PRKCB: variants seen among roughly 807,000 people sequenced by gnomAD.
PRKCB encodes protein kinase C beta type.
In PRKCB, 13 loss-of-function variants were observed where a neutral mutation model predicts 81.5. That is an observed-to-expected ratio of 0.16 (90% confidence interval 0.10 to 0.25). The LOEUF is 0.25. PRKCB is among the 10% of genes least tolerant of loss of function. The pLI is 1.00. For synonymous variants in PRKCB, 335 were observed against 321.4 expected (o/e 1.04, Z -0.45); for missense variants, 509 against 875.7 (o/e 0.58, Z 5.29).
In PRKCB at chr16:23,988,562, C is replaced by T; in HGVS notation, c.260C>T (p.Pro87Leu). The change falls in exon 3 of 17, where the codon CCT becomes CTT. Residue 87 changes from proline to leucine, a missense_variant. Physicochemically the swap from Pro to Leu is moderately conservative, Grantham distance 98. This residue lies in a region of PRKCB where 184 missense variants were observed against 362.9 expected (regional missense o/e 0.51). Transcript: ENST00000643927. The part of the protein sequence containing the change: ...RCHEFVTFSC[P>L]GADKGPASDD... The stretch of plus-strand genomic sequence containing the variant: ...CATGAATTTGTCACATTCTCCTGCC[C>T]TGGCGCTGACAAGGGTCCAGCCTCC... The T allele has an allele frequency of 6.2e-7, 1 of 1,614,078 alleles. No individual in the cohort carries two copies. Among genetic ancestry groups the T allele is most frequent in the South Asian group, 1.1e-5 (1 of 91,066 alleles).
Position 24,111,901 on chromosome 16 carries a change from G to A in PRKCB, c.822-1072G>A, listed in dbSNP as rs74606419. On this transcript the variant is annotated intron_variant, in intron 7 of 16. Transcript: ENST00000643927. ...GTGCTGTGCTTATCATTTTACATGC[G>A]TCATTACATTTCAATTTCACAAGAA... Among the ~76,000 whole-genome samples the A allele has an allele frequency of 5.0e-4, 76 of 152,180 alleles. No homozygotes were observed. The East Asian group carries it at 0.012, about 25-fold the overall frequency.
Position 24,216,655 on chromosome 16 carries a change from C to A in PRKCB, c.*1839C>A, listed in dbSNP as rs1338668300. ...CCTGCAGTTCATCCTTCTCTGTCCT[C>A]TTCTTGCTTCAGGCTTGGGGACCGT... is the stretch of plus-strand genomic sequence containing the variant. On this transcript the variant is annotated 3_prime_UTR_variant, in exon 17 of 17. Transcript: ENST00000643927. The A allele has an allele frequency of 3.0e-6, 3 of 985,504 alleles. No individual in the cohort carries two copies. Among genetic ancestry groups the A allele is most frequent in the Non-Finnish European group, 3.6e-6 (3 of 829,972 alleles). 61.0% of individuals were successfully genotyped at this position (985,504 alleles called of 1,614,324 possible). A position where few individuals can be genotyped will look rare whatever the true frequency, so the allele number is the denominator to read the frequency against.
At chr16:23,980,387 C>A (rs1392865867) in intron 2 of PRKCB, among the ~76,000 whole-genome samples, 2 of 152,152 alleles carry the variant, frequency 1.3e-5, no homozygotes, top group Non-Finnish European at 1.5e-5. Flanking sequence ...GTTCTCCCAG[C>A]AGCTGTAGAG....
intron 2 of PRKCB, among the ~76,000 whole-genome samples, chr16:23,873,490 T>C (rs575845827): frequency 1.3e-5 from 2 of 152,358 alleles, no homozygotes; most frequent in South Asian, 4.1e-4. Flanking sequence ...GGTTCTTCTT[T>C]GGTTCCTGCA....
At chr16:24,012,134 A>G (rs1356090301) in intron 3 of PRKCB, among the ~76,000 whole-genome samples, 2 of 152,146 alleles carry the variant, frequency 1.3e-5, no homozygotes, top group Non-Finnish European at 2.9e-5. Context: ...CTGTGTTCCC[A>G]GACATTCCTT....
intron 8 of PRKCB, among the ~76,000 whole-genome samples, chr16:24,120,763 T>A (rs1411827601): frequency 6.6e-6 from 1 of 152,044 alleles, no homozygotes; most frequent in African/African-American, 2.4e-5. Flanking sequence ...AGACAGGGTC[T>A]CCCTTTATCA....
intron 3 of PRKCB, among the ~76,000 whole-genome samples, chr16:24,028,370 T>C (rs938402135): frequency 6.6e-6 from 1 of 152,258 alleles, no homozygotes; most frequent in African/African-American, 2.4e-5. Flanking sequence ...ATTACAGGCA[T>C]GAGCCACTGC....
chr16:23,879,774 G>A (rs989795993), intron 2 of PRKCB, among the ~76,000 whole-genome samples: 1 of 152,160 alleles, frequency 6.6e-6, no homozygotes, highest in Non-Finnish European at 1.5e-5. Flanking sequence ...GATTATAGGC[G>A]TGAGCCACTG....
chr16:24,060,793 C>A (rs71379840), intron 5 of PRKCB, among the ~76,000 whole-genome samples: 1 of 152,222 alleles, frequency 6.6e-6, no homozygotes. Flanking sequence ...CAGGTGACAC[C>A]TCTGTTGCAG....
intron 15 of PRKCB, 132 bp downstream of exon 15, chr16:24,185,699 A>C: frequency 1.4e-6 from 1 of 723,840 alleles, no homozygotes; most frequent in Middle Eastern, 2.7e-4. Flanking sequence ...CCAATATGAG[A>C]ACCCTGATGT....
chr16:23,870,783 T>G (rs1962889938), intron 2 of PRKCB, among the ~76,000 whole-genome samples: 1 of 152,162 alleles, frequency 6.6e-6, no homozygotes, highest in Admixed American at 6.5e-5. Flanking sequence ...TGAATTTGCT[T>G]CTTCTTTATA....
intron 5 of PRKCB, among the ~76,000 whole-genome samples, chr16:24,038,864 G>A (rs1965660286): frequency 6.6e-6 from 1 of 152,180 alleles, no homozygotes; most frequent in East Asian, 1.9e-4. Flanking sequence ...CCCATCTTGA[G>A]GCAAGGGGGC....
intron 16 of PRKCB, among the ~76,000 whole-genome samples, chr16:24,200,580 G>A (rs1401468372): frequency 1.3e-5 from 2 of 152,212 alleles, no homozygotes; most frequent in African/African-American, 4.8e-5. Context: ...TGGAGGCTGG[G>A]AAGTCCAAGG....
At chr16:24,095,357 G>T (rs1966426849) in intron 7 of PRKCB, among the ~76,000 whole-genome samples, 1 of 152,126 alleles carries the variant, frequency 6.6e-6, no homozygotes, top group Non-Finnish European at 1.5e-5. Context: ...GCTGCTGACT[G>T]GTTGGGGATG....
chr16:23,967,930 T>C (rs1049564200), intron 2 of PRKCB, among the ~76,000 whole-genome samples: 1 of 152,202 alleles, frequency 6.6e-6, no homozygotes, highest in Non-Finnish European at 1.5e-5. Flanking sequence ...GTTTGGATTA[T>C]AGGCGTGAGC....
At chr16:23,965,409 G>A (rs113423184) in intron 2 of PRKCB, among the ~76,000 whole-genome samples, 166 of 152,240 alleles carry the variant, frequency 1.1e-3, no homozygotes, top group African/African-American at 3.2e-3. Context: ...GGGCACCTCC[G>A]TTGATTTCTT....
intron 15 of PRKCB, among the ~76,000 whole-genome samples, chr16:24,187,517 G>A (rs554517271): frequency 1.3e-5 from 2 of 152,144 alleles, no homozygotes; most frequent in Non-Finnish European, 2.9e-5. Flanking sequence ...TAGTGCTGAC[G>A]CTATTGTGTT....
At chr16:23,886,144 C>T (rs76449270) in intron 2 of PRKCB, among the ~76,000 whole-genome samples, 2,288 of 152,240 alleles carry the variant, frequency 0.015, 57 homozygotes, top group African/African-American at 0.051. Context: ...CAAATCTAAG[C>T]ATCACAGCAA....
At chr16:23,998,191 T>C (rs1000372359) in intron 3 of PRKCB, among the ~76,000 whole-genome samples, 1 of 152,196 alleles carries the variant, frequency 6.6e-6, no homozygotes, top group Non-Finnish European at 1.5e-5. Flanking sequence ...TCTCAGTCCT[T>C]CAGACGTGGA....
Sources: gnomAD v4.1 joint callset for allele counts (sites outside exome capture counted in the v4.1 genomes callset) on GRCh38, gnomAD v4.1.1 for gene constraint, gnomAD v4.1.1 regional missense constraint, MANE v1.5 for transcripts, NCBI Gene and HGNC (gene_info 2026-07-23, HGNC 2026-07-21) for gene names.